TTC28: variants seen among roughly 807,000 people sequenced by gnomAD.
TTC28 encodes tetratricopeptide repeat protein 28.
In TTC28, 61 loss-of-function variants were observed where a neutral mutation model predicts 198.0. The observed-to-expected ratio is 0.31, with a 90% CI of 0.25 to 0.38. The LOEUF is 0.38. Among genes scored for constraint, TTC28 ranks in the 10% least tolerant of loss-of-function variants. TTC28 has a pLI of 1.00. For synonymous variants in TTC28, 1,171 were observed against 1,297.8 expected (o/e 0.90, Z 2.10); for missense variants, 2,678 against 3,164.0 (o/e 0.85, Z 3.69).
intron 1 of TTC28, among the ~76,000 whole-genome samples, chr22:28,645,902 C>A (rs999496861): frequency 6.6e-6 from 1 of 152,058 alleles, no homozygotes; most frequent in Non-Finnish European, 1.5e-5. Flanking sequence ...GCTAGGATTG[C>A]AGGCATGAAG....
chr22:28,485,455 T>C (rs920478524), intron 2 of TTC28, among the ~76,000 whole-genome samples: 1 of 152,184 alleles, frequency 6.6e-6, no homozygotes, highest in Non-Finnish European at 1.5e-5. Flanking sequence ...TTCACTTCTA[T>C]CCTGTATTTT....
chr22:28,533,365 C>T (rs1179105326), intron 2 of TTC28, among the ~76,000 whole-genome samples: 1 of 152,126 alleles, frequency 6.6e-6, no homozygotes, highest in Non-Finnish European at 1.5e-5. Flanking sequence ...TGTGAAGGGC[C>T]TCTTCAAGGA....
intron 5 of TTC28, among the ~76,000 whole-genome samples, chr22:28,216,891 TTTA>T (rs1927448751): frequency 6.6e-6 from 1 of 152,058 alleles, no homozygotes; most frequent in Non-Finnish European, 1.5e-5. Flanking sequence ...TTGGCAATTT[TTTA>T]TTTTTTGTAG....
chr22:28,178,574 A>G (rs1923399988), intron 5 of TTC28, among the ~76,000 whole-genome samples: 1 of 152,198 alleles, frequency 6.6e-6, no homozygotes, highest in Non-Finnish European at 1.5e-5. Flanking sequence ...CAGCATGAGC[A>G]AAGACACAAA....
intron 2 of TTC28, among the ~76,000 whole-genome samples, chr22:28,553,017 A>C (rs1261151235): frequency 6.6e-6 from 1 of 151,942 alleles, no homozygotes; most frequent in Non-Finnish European, 1.5e-5. Context: ...TCCAGCTCCT[A>C]ACCGCGAGTG....
chr22:28,161,753 C>A (rs73168107), intron 6 of TTC28, among the ~76,000 whole-genome samples: 18,161 of 123,252 alleles, frequency 0.15, 1,598 homozygotes, highest in Non-Finnish European at 0.21. Context: ...CAGGACAGGA[C>A]AGGAAAGGAA....
At position 28,383,468 on chromosome 22, in the gene TTC28, T is replaced by A. The variant is rs75346928; in HGVS notation, c.382-76825A>T. On this transcript the variant is annotated intron_variant, in intron 2 of 22. Coordinates refer to ENST00000397906, the MANE Select transcript of TTC28 (RefSeq NM_001145418.2). ...TTACAACTCAATTGAATTACAAATGTACACTCAAATCTCCACTTGGATATC... is the reference window on the plus strand; with the variant it reads ...TTACAACTCAATTGAATTACAAATGAACACTCAAATCTCCACTTGGATATC... Among the ~76,000 whole-genome samples the A allele has an allele frequency of 6.2e-3, 949 of 152,292 alleles. 11 individuals are homozygous for A. The highest frequency in any genetic ancestry group is 0.022 in the African/African-American group (907 of 41,542).
rs754700795 is a variant in TTC28 at position 28,243,174 on chromosome 22, CAAAAAAAAAAAAAAAAAAAAAAAAA to C, written c.933+52999_933+53023del. Among the ~76,000 whole-genome samples, 70 of 68,336 alleles carry C rather than the reference CAAAAAAAAAAAAAAAAAAAAAAAAA, an allele frequency of 1.0e-3. 2 individuals are homozygous for C. Among genetic ancestry groups the C allele is most frequent in the African/African-American group, 3.6e-3 (56 of 15,414 alleles). 44.8% of individuals were successfully genotyped at this position (68,336 alleles called of 152,430 possible). A position where few individuals can be genotyped will look rare whatever the true frequency, so the allele number is the denominator to read the frequency against. ...GCAACCTGGCAAAACCCCCTCTCTA[CAAAAAAAAAAAAAAAAAAAAAAAAA>C]AAAAAAAAAAAAAACTAGCCAGCCA... On this transcript the variant is annotated intron_variant, in intron 5 of 22. Transcript: ENST00000397906.
Position 27,978,065 on chromosome 22 carries a change from G to A in TTC28, c.*4156C>T, listed in dbSNP as rs1456033229. The A allele has an allele frequency of 6.6e-6, 1 of 152,156 alleles. No homozygotes were observed. Among genetic ancestry groups the A allele is most frequent in the African/African-American group, 2.4e-5 (1 of 41,432 alleles). 9.4% of individuals were successfully genotyped at this position (152,156 alleles called of 1,614,324 possible). The stretch of plus-strand genomic sequence containing the variant: ...ATAGACACTGAAAATCACAAAGGAG[G>A]AAGGCCAAGTGCCTTAGCAATCTCA... On this transcript the variant is annotated 3_prime_UTR_variant, in exon 23 of 23. Coordinates refer to ENST00000397906, the MANE Select transcript of TTC28 (RefSeq NM_001145418.2).
chr22:27,990,816 C>CG lies in TTC28; in HGVS notation c.5554-5dup. ...TTCCAACCATATTTTTAACAGCCTT[C>CG]GGCCAGCAGATTATAAGAAAAAGAA... On this transcript the variant is annotated splice_region_variant and splice_polypyrimidine_tract_variant and intron_variant, in intron 19 of 22. Coordinates refer to ENST00000397906, the MANE Select transcript of TTC28 (RefSeq NM_001145418.2). The CG allele has an allele frequency of 6.5e-7, 1 of 1,549,202 alleles. No homozygotes were observed. Among genetic ancestry groups the CG allele is most frequent in the South Asian group, 1.2e-5 (1 of 83,914 alleles).
chr22:28,513,421 T>G (rs913293652), intron 2 of TTC28, among the ~76,000 whole-genome samples: 2 of 152,148 alleles, frequency 1.3e-5, no homozygotes, highest in African/African-American at 4.8e-5. Flanking sequence ...CAAAAAGCAG[T>G]ATTTCCTTTA....
rs551188771 is a variant in TTC28 at position 28,369,443 on chromosome 22, C to T, written c.382-62800G>A. Among the ~76,000 whole-genome samples the T allele has an allele frequency of 2.6e-5, 4 of 152,228 alleles. No homozygotes were observed. The South Asian group carries it at 8.3e-4, about 32-fold the overall frequency. ...ACAGAAATATTTGAAAAAGGTTGTCCACTGAATGATCAGTCATCATAACAA... is the reference window on the plus strand; with the variant it reads ...ACAGAAATATTTGAAAAAGGTTGTCTACTGAATGATCAGTCATCATAACAA... On this transcript the variant is annotated intron_variant, in intron 2 of 22. Coordinates refer to ENST00000397906, the MANE Select transcript of TTC28 (RefSeq NM_001145418.2).
In TTC28 at chr22:28,099,017, T is replaced by C. The variant is rs376418944; in HGVS notation, c.3445A>G (p.Thr1149Ala). The change falls in exon 10 of 23, where the codon ACA becomes GCA. Residue 1149 changes from threonine to alanine, a missense_variant. Physicochemically the swap from Thr to Ala is moderately conservative, Grantham distance 58. Coordinates refer to ENST00000397906, the MANE Select transcript of TTC28 (RefSeq NM_001145418.2). ...CTCAGCTGTGCCTCATGTCGGATTG[T>C]TTCAAACAAGGCTGATGCCCTATAA... ...QLYRASALFE[T>A]IRHEAQLSTD... is the part of the protein sequence containing the mutation. 23 of 1,551,848 alleles carry C rather than the reference T, an allele frequency of 1.5e-5. No individual in the cohort carries two copies. Among genetic ancestry groups the C allele is most frequent in the Non-Finnish European group, 2.0e-5 (23 of 1,147,050 alleles).
At chr22:28,186,599 C>G (rs1924227888) in intron 5 of TTC28, among the ~76,000 whole-genome samples, 1 of 152,090 alleles carries the variant, frequency 6.6e-6, no homozygotes, top group African/African-American at 2.4e-5. Flanking sequence ...AGAATTAGAT[C>G]AACTCCTAGA....
intron 12 of TTC28, among the ~76,000 whole-genome samples, chr22:28,055,494 T>C (rs1361471003): frequency 6.6e-6 from 1 of 152,132 alleles, no homozygotes; most frequent in Non-Finnish European, 1.5e-5. Flanking sequence ...ACATCGAAGA[T>C]TTAGATGAAT....
intron 2 of TTC28, among the ~76,000 whole-genome samples, chr22:28,527,076 T>C (rs927372431): frequency 6.6e-6 from 1 of 152,178 alleles, no homozygotes; most frequent in Admixed American, 6.5e-5. Context: ...GTTTTCTACC[T>C]GTTGCACAGG....
intron 5 of TTC28, among the ~76,000 whole-genome samples, chr22:28,279,678 G>A (rs1299031978): frequency 6.6e-6 from 1 of 152,068 alleles, no homozygotes; most frequent in Non-Finnish European, 1.5e-5. Context: ...CCCATTTGAT[G>A]AGTTTTGACA....
chr22:28,014,440 A>G, intron 13 of TTC28, 48 bp from the exon 14 acceptor site: 1 of 1,509,246 alleles, frequency 6.6e-7, no homozygotes, highest in Non-Finnish European at 8.9e-7. Flanking sequence ...TCAGACAGGC[A>G]AAGACTCACC....
At chr22:28,330,358 T>G (rs2045595347) in intron 2 of TTC28, among the ~76,000 whole-genome samples, 1 of 152,164 alleles carries the variant, frequency 6.6e-6, no homozygotes, top group African/African-American at 2.4e-5. Context: ...GACAGCACCA[T>G]TCACAGACAA....
Sources: allele counts gnomAD v4.1 joint callset (sites outside exome capture counted in the v4.1 genomes callset), GRCh38; gene constraint gnomAD v4.1.1; transcripts MANE v1.5; gene names NCBI Gene and HGNC (gene_info 2026-07-23, HGNC 2026-07-21).